The following ARNT variants were observed in gnomAD, a reference collection of about 807,000 sequenced individuals.
ARNT encodes the protein aryl hydrocarbon receptor nuclear translocator.
Under a neutral mutation model 105.0 loss-of-function variants are expected in ARNT, and 30 were observed. The ratio of observed to expected loss-of-function variants is 0.29; its 90% CI spans 0.21 to 0.39. The LOEUF is 0.39. Among genes scored for constraint, ARNT ranks in the 10% least tolerant of loss-of-function variants. ARNT has a pLI of 1.00. For synonymous variants in ARNT, 304 were observed against 344.0 expected (o/e 0.88, Z 1.29); for missense variants, 748 against 978.7 (o/e 0.76, Z 3.15).
chr1:150,849,221 G>GA (rs1210976577), intron 3 of ARNT, among the ~76,000 whole-genome samples: 3 of 151,704 alleles, frequency 2.0e-5, no homozygotes, highest in African/African-American at 4.8e-5. Flanking sequence ...AAGAAAGAAA[G>GA]AAAATAAATA....
intron 1 of ARNT, among the ~76,000 whole-genome samples, chr1:150,867,989 C>T (rs1283852622): frequency 2.0e-5 from 3 of 151,982 alleles, no homozygotes; most frequent in Non-Finnish European, 2.9e-5. Flanking sequence ...TCATAAATTA[C>T]CCAGTCTCAG....
intron 18 of ARNT, 120 bp downstream of exon 18, chr1:150,816,668 C>A: frequency 8.3e-7 from 1 of 1,199,208 alleles, no homozygotes; most frequent in South Asian, 1.6e-5. Context: ...TCACGCTAGG[C>A]CCTACAAGCT....
chr1:150,864,473 G>A (rs936929314), intron 1 of ARNT, among the ~76,000 whole-genome samples: 3 of 151,782 alleles, frequency 2.0e-5, no homozygotes, highest in Non-Finnish European at 4.4e-5. Flanking sequence ...GGACATGGAC[G>A]AAATTGGAAA....
intron 13 of ARNT, among the ~76,000 whole-genome samples, chr1:150,824,424 C>T (rs933682318): frequency 3.3e-5 from 5 of 151,152 alleles, no homozygotes; most frequent in Admixed American, 3.3e-4. Flanking sequence ...ATTTTTTCCC[C>T]GAAACCTGAG....
chr1:150,837,067 CA>C (rs78105642), intron 6 of ARNT, among the ~76,000 whole-genome samples: 110 of 139,954 alleles, frequency 7.9e-4, no homozygotes, highest in Non-Finnish European at 7.5e-4. Context: ...GACCCTGTCT[CA>C]AAAAAAAAAA....
intron 18 of ARNT, 130 bp from the exon 19 acceptor site, chr1:150,816,536 ATT>A: frequency 8.3e-7 from 1 of 1,205,794 alleles, no homozygotes; most frequent in Non-Finnish European, 1.1e-6. Context: ...TTTGATAACA[ATT>A]TGGAAAAGAC....
rs1571145599 is a variant in ARNT, at chr1:150,811,488, ACT to A, written c.*531_*532del. On this transcript the variant is annotated 3_prime_UTR_variant, in exon 22 of 22. Transcript: ENST00000358595. ...CACACACACACACACATACACACAC[ACT>A]CTCTCTCACTTACTCACATGTTTCT... The A allele has an allele frequency of 1.7e-5, 4 of 233,250 alleles. No individual in the cohort carries two copies. The highest frequency in any genetic ancestry group is 4.4e-5 in the African/African-American group (2 of 45,166). 14.4% of individuals were successfully genotyped at this position (233,250 alleles called of 1,614,324 possible). A position where few individuals can be genotyped will look rare whatever the true frequency, so the allele number is the denominator to read the frequency against.
intron 1 of ARNT, among the ~76,000 whole-genome samples, chr1:150,870,227 T>C (rs1180389831): frequency 6.6e-6 from 1 of 152,186 alleles, no homozygotes; most frequent in African/African-American, 2.4e-5. Context: ...ATACGATTGT[T>C]ATAAAAATTA....
intron 10 of ARNT, among the ~76,000 whole-genome samples, chr1:150,831,031 C>T (rs1236650794): frequency 2.0e-5 from 3 of 152,046 alleles, no homozygotes; most frequent in Admixed American, 6.6e-5. Flanking sequence ...TCACAAAAAC[C>T]CTATACAGGA....
At chr1:150,835,875 C>A (rs1249767378) in intron 7 of ARNT, among the ~76,000 whole-genome samples, 1 of 152,034 alleles carries the variant, frequency 6.6e-6, no homozygotes, top group East Asian at 1.9e-4. Context: ...GACCAATAAC[C>A]ATATCTATAG....
chr1:150,874,686 C>T, intron 1 of ARNT, among the ~76,000 whole-genome samples: 1 of 151,690 alleles, frequency 6.6e-6, no homozygotes, highest in East Asian at 1.9e-4. Flanking sequence ...AGGAGCAAGA[C>T]CCTGTAGCAA....
chr1:150,826,406 T>G (rs990777131), intron 13 of ARNT, 137 bp downstream of exon 13: 3 of 669,514 alleles, frequency 4.5e-6, no homozygotes, highest in Non-Finnish European at 7.8e-6. Context: ...TCCTTTTCTA[T>G]TCCTTAAAAA....
In ARNT at chr1:150,871,426, G is replaced by A. The variant is rs376024237; in HGVS notation, c.25+5117C>T. On this transcript the variant is annotated intron_variant, in intron 1 of 21. Coordinates refer to ENST00000358595, the MANE Select transcript of ARNT (RefSeq NM_001668.4). The stretch of plus-strand genomic sequence containing the variant: ...AGCGATTCTCCCGCCTCAGCCTCCC[G>A]AGTAGCTGGGATTACAGGCACCTGC... Among the ~76,000 whole-genome samples the A allele has an allele frequency of 5.4e-5, 8 of 148,798 alleles. No homozygotes were observed. In the South Asian group the frequency reaches 1.7e-3, roughly 32 times the overall value.
chr1:150,810,407 A>C lies in ARNT; in HGVS notation c.*1614T>G, dbSNP rs1163599112. 3 of 221,970 alleles carry C rather than the reference A, an allele frequency of 1.4e-5. No homozygotes were observed. The East Asian group carries it at 2.0e-4, about 15-fold the overall frequency. 13.8% of individuals were successfully genotyped at this position (221,970 alleles called of 1,614,324 possible). Reference sequence around the variant, plus strand: ...TGGTTTCGTAAATTGTGATATAAATATATATGTATACTGTAAGTGTGCACA... The same window carrying C: ...TGGTTTCGTAAATTGTGATATAAATCTATATGTATACTGTAAGTGTGCACA... On this transcript the variant is annotated 3_prime_UTR_variant, in exon 22 of 22. Coordinates refer to ENST00000358595, the MANE Select transcript of ARNT (RefSeq NM_001668.4).
Position 150,814,246 on chromosome 1 carries a change from A to G in ARNT, c.1951-7T>C. The G allele has an allele frequency of 6.2e-7, 1 of 1,613,820 alleles. No individual in the cohort carries two copies. The highest frequency in any genetic ancestry group is 8.5e-7 in the Non-Finnish European group (1 of 1,179,828). On this transcript the variant is annotated splice_region_variant and splice_polypyrimidine_tract_variant and intron_variant, in intron 19 of 21. Coordinates refer to ENST00000358595, the MANE Select transcript of ARNT (RefSeq NM_001668.4). ...TAGCCTGGGTAGCCACCTGCTAAAG[A>G]GAGATGGAGAGGGGATATAGAACAA...
At chr1:150,826,449 A>T (rs1489143759) in intron 13 of ARNT, 94 bp downstream of exon 13, 3 of 958,474 alleles carry the variant, frequency 3.1e-6, no homozygotes, top group Non-Finnish European at 3.3e-6. Flanking sequence ...ATAAAACTGT[A>T]GTGCCTGCCA....
chr1:150,827,715 T>G (rs944449994), intron 12 of ARNT, among the ~76,000 whole-genome samples: 2 of 152,260 alleles, frequency 1.3e-5, no homozygotes, highest in Non-Finnish European at 2.9e-5. Flanking sequence ...GGTTATAGGC[T>G]AAGAGTATGT....
In ARNT at chr1:150,817,436, A is replaced by G. The variant is rs369249021; in HGVS notation, c.1506-3T>C. 276 of 1,613,838 alleles carry G rather than the reference A, an allele frequency of 1.7e-4. 1 individual carries two copies. The highest frequency in any genetic ancestry group is 2.3e-4 in the Non-Finnish European group (267 of 1,179,890). ...ATTCTGTTTGCTGTTGCTGCTGCCT[A>G]TATGTCAAAGGCCAGTTGACAAGAC... On this transcript the variant is annotated splice_region_variant and splice_polypyrimidine_tract_variant and intron_variant, in intron 15 of 21. Transcript: ENST00000358595.
At chr1:150,820,146 G>T (rs1656753522) in intron 14 of ARNT, among the ~76,000 whole-genome samples, 1 of 152,148 alleles carries the variant, frequency 6.6e-6, no homozygotes, top group South Asian at 2.1e-4. Flanking sequence ...CAGCAGAGTT[G>T]AGTAGGTGGA....
Sources: gnomAD v4.1 joint callset for allele counts (sites outside exome capture counted in the v4.1 genomes callset) on GRCh38, gnomAD v4.1.1 for gene constraint, MANE v1.5 for transcripts, NCBI Gene and HGNC (gene_info 2026-07-23, HGNC 2026-07-21) for gene names.